The following PNPLA8 variants were observed in gnomAD, a reference collection of about 807,000 sequenced individuals.
PNPLA8 encodes the protein patatin like domain 8, phospholipase A2, also known as calcium-independent phospholipase A2-gamma.
Under a neutral mutation model 76.9 loss-of-function variants are expected in PNPLA8, and 39 were observed. That is an observed-to-expected ratio of 0.51 (90% CI 0.39 to 0.66). The LOEUF (loss-of-function observed/expected upper bound fraction) is 0.66, where lower values mean the gene tolerates loss of function less well. PNPLA8 is among the 30% of genes least tolerant of loss of function. PNPLA8 has a pLI of 0.00. For synonymous variants in PNPLA8, 301 were observed against 307.9 expected (o/e 0.98, Z 0.24); for missense variants, 887 against 918.0 (o/e 0.97, Z 0.44).
At chr7:108,526,867 G>T (rs1331204542), upstream of PNPLA8, among the ~76,000 whole-genome samples, 3 of 152,048 alleles carry the variant, frequency 2.0e-5, no homozygotes, top group African/African-American at 7.3e-5. Context: ...CTAAAAATGG[G>T]TTTCACATTT....
chr7:108,522,613 C>T (rs1863825739), intron 1 of PNPLA8, among the ~76,000 whole-genome samples: 1 of 152,120 alleles, frequency 6.6e-6, no homozygotes, highest in Admixed American at 6.5e-5. Context: ...TCAGCAGGAC[C>T]TCCTGAGGCT....
chr7:108,517,085 A>C (rs1863400498), intron 2 of PNPLA8, among the ~76,000 whole-genome samples: 1 of 152,240 alleles, frequency 6.6e-6, no homozygotes, highest in Admixed American at 6.5e-5. Context: ...ACTCAATTAC[A>C]AATGTGCCAA....
At position 108,514,472 on chromosome 7, in the gene PNPLA8, T is replaced by C; in HGVS notation, c.1020A>G (p.Ala340=). ...TDQAVSKDRN[A]EEKKRLSLQR... is the part of the protein sequence containing the mutation. ...GAAGAGATAAACGCTTTTTCTCCTC[T>C]GCATTTCTGTCTTTGCTGACAGCCT... Residue 340 remains alanine, a synonymous_variant, in exon 3 of 11, where the codon GCA becomes GCG. Transcript: ENST00000257694. 6.2e-7 allele frequency: 1 copy of C among 1,613,218 alleles called. No homozygotes were observed. The highest frequency in any genetic ancestry group is 1.1e-5 in the South Asian group (1 of 91,054).
intron 10 of PNPLA8, among the ~76,000 whole-genome samples, chr7:108,478,005 A>C (rs1408627869): frequency 6.6e-6 from 1 of 152,350 alleles, no homozygotes; most frequent in East Asian, 1.9e-4. Flanking sequence ...CTTGCCTTGC[A>C]TTCTTGTTGG....
intron 4 of PNPLA8, among the ~76,000 whole-genome samples, chr7:108,512,044 T>C (rs1010705351): frequency 1.3e-5 from 2 of 152,164 alleles, no homozygotes; most frequent in African/African-American, 2.4e-5. Context: ...TATTATTTCC[T>C]TGCCACAGAA....
intron 10 of PNPLA8, among the ~76,000 whole-genome samples, chr7:108,473,573 A>G (rs896854048): frequency 6.6e-6 from 1 of 152,172 alleles, no homozygotes; most frequent in African/African-American, 2.4e-5. Flanking sequence ...TTAGTATGTC[A>G]AGTCTTAAGT....
rs1316105462 is a variant in PNPLA8, at chr7:108,471,205, A to C, written c.*1196T>G. ...GGAGTTAATAAGGTAAAACAAGCCTAACTTCTTCTTTTTTTTTTTTTTTTT... is the reference window on the plus strand; with the variant it reads ...GGAGTTAATAAGGTAAAACAAGCCTCACTTCTTCTTTTTTTTTTTTTTTTT... On this transcript the variant is annotated 3_prime_UTR_variant, in exon 11 of 11. Transcript: ENST00000257694. 2 of 150,584 alleles carry C rather than the reference A, an allele frequency of 1.3e-5. No individual in the cohort carries two copies. The highest frequency in any genetic ancestry group is 2.9e-5 in the Non-Finnish European group (2 of 67,940). 9.3% of individuals were successfully genotyped at this position (150,584 alleles called of 1,614,324 possible). A position where few individuals can be genotyped will look rare whatever the true frequency, so the allele number is the denominator to read the frequency against.
intron 8 of PNPLA8, among the ~76,000 whole-genome samples, chr7:108,488,755 T>A (rs1375025268): frequency 3.3e-5 from 5 of 152,218 alleles, no homozygotes; most frequent in Non-Finnish European, 7.3e-5. Flanking sequence ...TAATGTTTAT[T>A]AAAAAACTAT....
At chr7:108,516,033 C>T (rs10232596) in intron 2 of PNPLA8, among the ~76,000 whole-genome samples, 27,564 of 152,132 alleles carry the variant, frequency 0.18, 2,764 homozygotes, top group East Asian at 0.34. Flanking sequence ...GTGCTAGATG[C>T]TGAAGCCACA....
At chr7:108,503,603 GA>G (rs1329994961) in intron 4 of PNPLA8, among the ~76,000 whole-genome samples, 2 of 152,102 alleles carry the variant, frequency 1.3e-5, no homozygotes, top group Non-Finnish European at 2.9e-5. Context: ...AAATCTTGAT[GA>G]AATACAAGAA....
chr7:108,483,445 C>T (rs11983802), intron 9 of PNPLA8, among the ~76,000 whole-genome samples: 15,403 of 152,198 alleles, frequency 0.1, 815 homozygotes, highest in Non-Finnish European at 0.11. Context: ...ACCTATTCAT[C>T]CAACTACTCT....
At chr7:108,497,454 A>G in intron 6 of PNPLA8, 29 bp downstream of exon 6, 1 of 1,355,710 alleles carries the variant, frequency 7.4e-7, no homozygotes, top group Non-Finnish European at 1.0e-6. Context: ...TACTGCCAGA[A>G]TGCACCACTT....
At chr7:108,498,495 G>T (rs981180113) in intron 5 of PNPLA8, among the ~76,000 whole-genome samples, 1 of 150,012 alleles carries the variant, frequency 6.7e-6, no homozygotes, top group Non-Finnish European at 1.5e-5. Context: ...GGATGGTCTC[G>T]ATCTCCTGAC....
intron 4 of PNPLA8, among the ~76,000 whole-genome samples, chr7:108,507,829 A>C (rs1026671255): frequency 6.6e-6 from 1 of 151,584 alleles, no homozygotes; most frequent in Admixed American, 6.6e-5. Flanking sequence ...ATCCACCATG[A>C]TCAAGTGGGC....
At chr7:108,476,488 T>C (rs1042533224) in intron 10 of PNPLA8, among the ~76,000 whole-genome samples, 2 of 152,152 alleles carry the variant, frequency 1.3e-5, no homozygotes, top group African/African-American at 2.4e-5. Context: ...CAAGAGATAA[T>C]AGGTGTTGGC....
Position 108,514,406 on chromosome 7 carries a change from T to C in PNPLA8, c.1056+30A>G, listed in dbSNP as rs368511798. 4.1e-5 allele frequency: 65 copies of C among 1,571,866 alleles called. No individual in the cohort carries two copies. In the African/African-American group the frequency reaches 7.3e-4, roughly 18 times the overall value. On this transcript the variant is annotated intron_variant, in intron 3 of 10. Transcript: ENST00000257694. ...AACTTATAAATTTGACAAAAAGTAATAGAACCGAAAAGCACACTGAACAAC... is the reference window on the plus strand; with the variant it reads ...AACTTATAAATTTGACAAAAAGTAACAGAACCGAAAAGCACACTGAACAAC...
intron 1 of PNPLA8, among the ~76,000 whole-genome samples, chr7:108,525,643 T>C (rs900529541): frequency 6.6e-6 from 1 of 152,166 alleles, no homozygotes; most frequent in Non-Finnish European, 1.5e-5. Flanking sequence ...GAGAATGATG[T>C]AGACTAGGGA....
At chr7:108,496,811 A>C in intron 6 of PNPLA8, 56 bp from the exon 7 acceptor site, 4 of 1,200,720 alleles carry the variant, frequency 3.3e-6, no homozygotes, top group Non-Finnish European at 4.6e-6. Flanking sequence ...CTTATGATGT[A>C]AGATTTCCTG....
chr7:108,509,760 A>G (rs1488612751), intron 4 of PNPLA8, among the ~76,000 whole-genome samples: 24 of 148,666 alleles, frequency 1.6e-4, no homozygotes, highest in African/African-American at 5.9e-4. Context: ...CACAATAGCA[A>G]AGACTTGGAA....
Sources: allele counts gnomAD v4.1 joint callset (sites outside exome capture counted in the v4.1 genomes callset), GRCh38; gene constraint gnomAD v4.1.1; transcripts MANE v1.5; gene names NCBI Gene and HGNC (gene_info 2026-07-23, HGNC 2026-07-21).